Variants in NCALD observed in about 807,000 individuals in gnomAD.
NCALD encodes the protein neurocalcin delta.
In NCALD, 10 loss-of-function variants were observed where a neutral mutation model predicts 18.6. The ratio of observed to expected loss-of-function variants is 0.54; its 90% CI spans 0.33 to 0.91. The LOEUF is 0.91. Among genes scored for constraint, NCALD ranks in the 40% least tolerant of loss-of-function variants. The probability of loss-of-function intolerance (pLI) is 0.03; values close to 1 mark genes in which losing one functional copy is unlikely to be tolerated. For synonymous variants in NCALD, 88 were observed against 87.4 expected (o/e 1.01, Z -0.04); for missense variants, 184 against 247.6 (o/e 0.74, Z 1.72).
intron 4 of NCALD, among the ~76,000 whole-genome samples, chr8:101,826,599 T>C (rs777440899): frequency 6.6e-6 from 1 of 152,220 alleles, no homozygotes; most frequent in Non-Finnish European, 1.5e-5. Context: ...TGGATATGTG[T>C]GTGGGTGATT....
At chr8:101,731,190 G>A (rs1283474026) in intron 1 of NCALD, among the ~76,000 whole-genome samples, 1 of 152,160 alleles carries the variant, frequency 6.6e-6, no homozygotes. Context: ...TCCAGGATGT[G>A]GCTAGAGTGG....
chr8:101,907,033 C>A (rs1417395351), intron 3 of NCALD, among the ~76,000 whole-genome samples: 2 of 152,200 alleles, frequency 1.3e-5, no homozygotes, highest in Admixed American at 1.3e-4. Flanking sequence ...TGTGACTCTG[C>A]ACAGCAATGT....
rs150035072 is a variant in NCALD at position 101,963,269 on chromosome 8, T to C, written c.-156-47411A>G. Among the ~76,000 whole-genome samples the C allele has an allele frequency of 5.5e-3, 837 of 152,308 alleles. 4 individuals are homozygous for C. The highest frequency in any genetic ancestry group is 6.6e-3 in the Non-Finnish European group (451 of 68,012). ...TCTAAACATGATTTTCATTATGCCA[T>C]ACCTCTGCTCCAGAACCTAAGAAAC... is the stretch of plus-strand genomic sequence containing the variant. On this transcript the variant is annotated intron_variant, in intron 2 of 6. Coordinates refer to the NCALD transcript ENST00000311028.
chr8:101,692,613 C>G (rs1814780818), intron 3 of NCALD, 178 bp downstream of exon 3: 3 of 982,844 alleles, frequency 3.1e-6, no homozygotes, highest in Non-Finnish European at 3.6e-6. Flanking sequence ...GGCATTTCCC[C>G]CAATTCTGGG....
intron 3 of NCALD, among the ~76,000 whole-genome samples, chr8:101,893,157 C>T (rs1484321830): frequency 1.1e-4 from 16 of 151,862 alleles, no homozygotes; most frequent in African/African-American, 2.4e-4. Context: ...AGACTAACAG[C>T]GGATCTCTCA....
In NCALD at chr8:102,123,400, C is replaced by A. The variant is rs1342654740; in HGVS notation, c.-210+837G>T. ...GAAACTGACCCTGGCAGGAGCTCTG[C>A]AGAGCCAAATGGCATTCTTTCTCCA... On this transcript the variant is annotated intron_variant, in intron 1 of 6. Transcript: ENST00000311028. 2.0e-4 allele frequency among the ~76,000 whole-genome samples: 30 copies of A among 149,490 alleles called. 1 individual carries two copies. Among genetic ancestry groups the A allele is most frequent in the African/African-American group, 7.2e-4 (29 of 40,354 alleles).
rs186603322 is a variant in NCALD, at chr8:101,820,080, G to C, written c.-20+67061C>G. Among the ~76,000 whole-genome samples, 6 of 152,330 alleles carry C rather than the reference G, an allele frequency of 3.9e-5. No individual in the cohort carries two copies. In the East Asian group the frequency reaches 1.2e-3, roughly 29 times the overall value. Reference sequence around the variant, plus strand: ...TTCTCCTTTACAACTCTGAGGGTTAGATATTTTAATTTGTTTTATTATTAA... The same window carrying C: ...TTCTCCTTTACAACTCTGAGGGTTACATATTTTAATTTGTTTTATTATTAA... On this transcript the variant is annotated intron_variant, in intron 4 of 6. Transcript: ENST00000311028.
upstream of NCALD, chr8:102,124,591 TG>T (rs1008690357): frequency 2.0e-5 from 3 of 146,696 alleles, no homozygotes; most frequent in Non-Finnish European, 4.5e-5. Flanking sequence ...CTAGCCAGCC[TG>T]CACTGCTACT....
At chr8:101,701,866 GATATTAC>G (rs1241372873) in intron 2 of NCALD, among the ~76,000 whole-genome samples, 2 of 152,108 alleles carry the variant, frequency 1.3e-5, no homozygotes, top group Non-Finnish European at 2.9e-5. Context: ...TGCTTAGAAG[GATATTAC>G]ATATCAGGAA....
rs558090962 is a variant in NCALD, at chr8:102,112,012, C to T, written c.-210+12225G>A. Among the ~76,000 whole-genome samples the T allele has an allele frequency of 6.6e-5, 10 of 152,212 alleles. No individual in the cohort carries two copies. The South Asian group carries it at 1.2e-3, about 19-fold the overall frequency. On this transcript the variant is annotated intron_variant, in intron 1 of 6. Transcript: ENST00000311028. ...CTATAAACACACCCAAGGATGTTCA[C>T]CACTGAAAGAAATTCTTTGAAATGT... is the stretch of plus-strand genomic sequence containing the variant.
At chr8:101,771,081 C>T (rs1811567191) in intron 1 of NCALD, among the ~76,000 whole-genome samples, 1 of 152,240 alleles carries the variant, frequency 6.6e-6, no homozygotes, top group Non-Finnish European at 1.5e-5. Context: ...ACTTTCTTTT[C>T]TTTCTACCTA....
chr8:101,730,248 G>T (rs189078338), intron 1 of NCALD, among the ~76,000 whole-genome samples: 1 of 151,900 alleles, frequency 6.6e-6, no homozygotes, highest in Non-Finnish European at 1.5e-5. Flanking sequence ...TTGGGAGGCC[G>T]AGGCGGGCAG....
chr8:102,101,982 T>C (rs1021188752), intron 1 of NCALD, among the ~76,000 whole-genome samples: 1 of 152,214 alleles, frequency 6.6e-6, no homozygotes, highest in Non-Finnish European at 1.5e-5. Flanking sequence ...GAGTTGTAAC[T>C]AAGTAAATGC....
chr8:101,770,342 C>A (rs1430418411), intron 1 of NCALD, among the ~76,000 whole-genome samples: 1 of 152,092 alleles, frequency 6.6e-6, no homozygotes, highest in African/African-American at 2.4e-5. Context: ...TAGACTAACC[C>A]CTTAAAGAAA....
intron 1 of NCALD, among the ~76,000 whole-genome samples, chr8:101,761,675 G>A (rs78143022): frequency 1.3e-5 from 2 of 152,238 alleles, no homozygotes; most frequent in African/African-American, 4.8e-5. Context: ...GCTAATCAGG[G>A]ACTTATTTGT....
intron 1 of NCALD, among the ~76,000 whole-genome samples, chr8:102,107,195 CAT>C (rs67447416): frequency 0.064 from 5,633 of 88,486 alleles, 139 homozygotes; most frequent in Admixed American, 0.11. Flanking sequence ...TATGTGTGTA[CAT>C]ATATATATAT....
At chr8:102,016,398 C>T (rs1822085343) in intron 2 of NCALD, among the ~76,000 whole-genome samples, 1 of 152,342 alleles carries the variant, frequency 6.6e-6, no homozygotes, top group South Asian at 2.1e-4. Flanking sequence ...ACTACCACAG[C>T]TCTGCCTAGT....
intron 3 of NCALD, among the ~76,000 whole-genome samples, chr8:101,896,359 T>A (rs1817171089): frequency 6.6e-6 from 1 of 151,866 alleles, no homozygotes; most frequent in Admixed American, 6.6e-5. Flanking sequence ...TATACAAAAA[T>A]CAATTCAAGA....
chr8:101,729,534 A>G (rs1816722869), intron 1 of NCALD, among the ~76,000 whole-genome samples: 1 of 152,222 alleles, frequency 6.6e-6, no homozygotes, highest in South Asian at 2.1e-4. Context: ...TCCTATGTGA[A>G]GGGTCATGGC....
Sources: gnomAD v4.1 joint callset for allele counts (sites outside exome capture counted in the v4.1 genomes callset) on GRCh38, gnomAD v4.1.1 for gene constraint, MANE v1.5 for transcripts, NCBI Gene and HGNC (gene_info 2026-07-23, HGNC 2026-07-21) for gene names.